The following PARM1 variants were observed in gnomAD, a reference collection of about 807,000 sequenced individuals.
The protein encoded by PARM1 is prostate androgen-regulated mucin-like protein 1.
A neutral mutation model predicts 24.6 loss-of-function variants in PARM1; 14 were observed. The ratio of observed to expected loss-of-function variants is 0.57; its 90% CI spans 0.38 to 0.89. PARM1 has a LOEUF of 0.89. Ranked by LOEUF, PARM1 falls within the 40% of genes least tolerant of loss-of-function variation. The pLI is 0.00. For synonymous variants in PARM1, 179 were observed against 156.6 expected, an observed-to-expected ratio of 1.14 and a Z score of -1.07; for missense variants, 362 against 380.4, an observed-to-expected ratio of 0.95 and a Z score of 0.40.
intron 1 of PARM1, among the ~76,000 whole-genome samples, chr4:75,006,706 A>G (rs1217820363): frequency 6.6e-6 from 1 of 152,216 alleles, no homozygotes; most frequent in African/African-American, 2.4e-5. Context: ...TAGATCCTTG[A>G]GGAATCGCCA....
At chr4:74,951,844 G>A (rs930458356) in intron 1 of PARM1, among the ~76,000 whole-genome samples, 1 of 152,202 alleles carries the variant, frequency 6.6e-6, no homozygotes, top group Non-Finnish European at 1.5e-5. Flanking sequence ...TCATGGATGA[G>A]TATTTGGCTT....
At chr4:74,999,174 G>A (rs1370733424) in intron 1 of PARM1, 1 of 152,236 alleles carries the variant, frequency 6.6e-6, no homozygotes, top group Non-Finnish European at 1.5e-5. Flanking sequence ...TTAGATGTCT[G>A]TAAAGGACAA....
chr4:75,023,228 G>T (rs971037912), intron 2 of PARM1, among the ~76,000 whole-genome samples: 7 of 152,226 alleles, frequency 4.6e-5, no homozygotes, highest in Non-Finnish European at 7.3e-5. Flanking sequence ...GCCTCAGACT[G>T]CCTGGTTCAA....
chr4:74,961,018 AG>A (rs1721762975), intron 1 of PARM1, among the ~76,000 whole-genome samples: 3 of 152,040 alleles, frequency 2.0e-5, no homozygotes, highest in African/African-American at 4.8e-5. Context: ...AAAAAAAAAA[AG>A]ATGCTCAAAG....
chr4:74,979,983 C>G (rs2109771570), intron 1 of PARM1, among the ~76,000 whole-genome samples: 1 of 152,128 alleles, frequency 6.6e-6, no homozygotes, highest in Non-Finnish European at 1.5e-5. Flanking sequence ...TAATAAGAGC[C>G]ATTTATGACA....
chr4:75,028,269 G>A (rs1723218314), intron 2 of PARM1, among the ~76,000 whole-genome samples: 1 of 152,178 alleles, frequency 6.6e-6, no homozygotes, highest in Non-Finnish European at 1.5e-5. Flanking sequence ...GAAGAGCCTA[G>A]CATAATAAAT....
intron 1 of PARM1, among the ~76,000 whole-genome samples, chr4:75,007,928 G>A (rs1315698578): frequency 6.6e-6 from 1 of 152,206 alleles, no homozygotes; most frequent in Non-Finnish European, 1.5e-5. Flanking sequence ...ACCAGAAACT[G>A]AATCAGACAG....
At chr4:75,004,126 T>G (rs901609143) in intron 1 of PARM1, among the ~76,000 whole-genome samples, 2 of 152,220 alleles carry the variant, frequency 1.3e-5, no homozygotes, top group Non-Finnish European at 2.9e-5. Context: ...TCATGGAGCT[T>G]GCAGACAAAT....
intron 1 of PARM1, among the ~76,000 whole-genome samples, chr4:75,011,262 G>T (rs1020469763): frequency 6.6e-6 from 1 of 152,132 alleles, no homozygotes; most frequent in Non-Finnish European, 1.5e-5. Context: ...AATGGCTCAG[G>T]GGATGTTGAA....
intron 3 of PARM1, among the ~76,000 whole-genome samples, chr4:75,035,345 G>A (rs1198850249): frequency 6.6e-6 from 1 of 152,144 alleles, no homozygotes; most frequent in African/African-American, 2.4e-5. Context: ...ACACTGCTAG[G>A]GACCAAGACG....
intron 1 of PARM1, among the ~76,000 whole-genome samples, chr4:75,006,907 C>T (rs527774162): frequency 6.8e-4 from 104 of 152,264 alleles, no homozygotes; most frequent in Non-Finnish European, 1.4e-3. Context: ...TTCTGCACAA[C>T]AAAAGAAACT....
At chr4:74,936,884 G>A (rs1247663842) in intron 1 of PARM1, among the ~76,000 whole-genome samples, 1 of 152,180 alleles carries the variant, frequency 6.6e-6, no homozygotes, top group African/African-American at 2.4e-5. Flanking sequence ...GGTAAGAGAG[G>A]CACAAACCTC....
At chr4:74,951,591 C>G (rs1721523463) in intron 1 of PARM1, among the ~76,000 whole-genome samples, 1 of 152,062 alleles carries the variant, frequency 6.6e-6, no homozygotes, top group South Asian at 2.1e-4. Context: ...CCTCCCCTAG[C>G]CCCCAACCCC....
intron 1 of PARM1, among the ~76,000 whole-genome samples, chr4:74,938,491 T>G (rs940165634): frequency 6.6e-6 from 1 of 152,186 alleles, no homozygotes; most frequent in African/African-American, 2.4e-5. Context: ...ATTGATGTTT[T>G]ATGTACAAGA....
chr4:75,047,668 C>T lies in PARM1; in HGVS notation c.*1421C>T, dbSNP rs1190156384. 1 of 152,198 alleles carries T rather than the reference C, an allele frequency of 6.6e-6. No individual in the cohort carries two copies. The highest frequency in any genetic ancestry group is 2.4e-5 in the African/African-American group (1 of 41,454). The allele number at this position is 152,198 out of a possible 1,614,324, so 9.4% of individuals were successfully genotyped here. ...CCTACAACAGCAAAGAATCATCCAC[C>T]CCAAAATATCAGTAGTGCCGAGATT... On this transcript the variant is annotated 3_prime_UTR_variant, in exon 4 of 4. Coordinates refer to ENST00000307428, the MANE Select transcript of PARM1 (RefSeq NM_015393.4).
intron 1 of PARM1, among the ~76,000 whole-genome samples, chr4:74,948,580 C>T (rs1038315326): frequency 6.6e-6 from 1 of 152,142 alleles, no homozygotes; most frequent in African/African-American, 2.4e-5. Context: ...GAAGCTGCAA[C>T]ACCACTTGGA....
intron 1 of PARM1, among the ~76,000 whole-genome samples, chr4:74,972,843 G>A (rs1170493935): frequency 6.6e-6 from 1 of 152,168 alleles, no homozygotes; most frequent in East Asian, 1.9e-4. Flanking sequence ...GGCAGTAAGG[G>A]GAAATGAAGA....
intron 1 of PARM1, among the ~76,000 whole-genome samples, chr4:74,949,587 C>G (rs977267055): frequency 6.6e-6 from 1 of 152,226 alleles, no homozygotes; most frequent in Non-Finnish European, 1.5e-5. Flanking sequence ...GCTGGGATTA[C>G]AGGCGTGAGC....
intron 1 of PARM1, among the ~76,000 whole-genome samples, chr4:74,958,586 A>G (rs1721698354): frequency 6.6e-6 from 1 of 152,214 alleles, no homozygotes; most frequent in African/African-American, 2.4e-5. Flanking sequence ...TGAGGAATTT[A>G]TGAGGCTCGA....
Sources: allele counts gnomAD v4.1 joint callset (sites outside exome capture counted in the v4.1 genomes callset), GRCh38; gene constraint gnomAD v4.1.1; transcripts MANE v1.5; gene names NCBI Gene and HGNC (gene_info 2026-07-23, HGNC 2026-07-21).